The following DISC1 variants were observed in gnomAD, a reference collection of about 807,000 sequenced individuals.
DISC1 encodes disrupted in schizophrenia 1 protein.
Under a neutral mutation model 84.5 loss-of-function variants are expected in DISC1, and 57 were observed. The ratio of observed to expected loss-of-function variants is 0.67; its 90% CI spans 0.55 to 0.84. DISC1 has a LOEUF of 0.84. DISC1 is among the 40% of genes least tolerant of loss of function. The pLI, the probability that DISC1 is intolerant of heterozygous loss-of-function variation, is 0.00. For synonymous variants in DISC1, 411 were observed against 415.2 expected (o/e 0.99, Z 0.12); for missense variants, 1,000 against 1,057.8 (o/e 0.95, Z 0.76).
intron 9 of DISC1, among the ~76,000 whole-genome samples, chr1:231,862,610 C>G (rs1218722669): frequency 6.6e-6 from 1 of 152,126 alleles, no homozygotes; most frequent in East Asian, 1.9e-4. Context: ...GTTATAGAAT[C>G]AGAACTAGAA....
chr1:232,022,775 C>T (rs1055009238), intron 11 of DISC1, among the ~76,000 whole-genome samples: 1 of 152,194 alleles, frequency 6.6e-6, no homozygotes, highest in Admixed American at 6.5e-5. Flanking sequence ...CAAGTGAGAG[C>T]ATTATAGTAA....
chr1:231,627,001 C>G, intron 1 of DISC1, 67 bp downstream of exon 1: 2 of 1,185,930 alleles, frequency 1.7e-6, no homozygotes, highest in Non-Finnish European at 1.1e-6. Context: ...CGCGCTCTGG[C>G]CCCCAGGAAG....
intron 1 of DISC1, among the ~76,000 whole-genome samples, chr1:231,647,108 T>G (rs1271856734): frequency 6.6e-6 from 1 of 152,228 alleles, no homozygotes; most frequent in Non-Finnish European, 1.5e-5. Flanking sequence ...TTGCCATTGC[T>G]TTTGGTGTTT....
At chr1:231,709,389 C>A (rs181864548) in intron 3 of DISC1, among the ~76,000 whole-genome samples, 1 of 152,158 alleles carries the variant, frequency 6.6e-6, no homozygotes, top group East Asian at 1.9e-4. Context: ...GGCTTTGCAT[C>A]TGGGTACACG....
intron 10 of DISC1, among the ~76,000 whole-genome samples, chr1:231,977,003 T>C (rs1572447399): frequency 6.6e-6 from 1 of 152,150 alleles, no homozygotes; most frequent in Non-Finnish European, 1.5e-5. Context: ...GTAAGGCAAC[T>C]GGGACTCAGA....
rs1312593124 is a variant in DISC1, at chr1:231,801,106, T to C, written c.1792+896T>C. On this transcript the variant is annotated intron_variant, in intron 8 of 12. Transcript: ENST00000439617. ...AGAAGGAATACAATAATTGGCAGCTTCTGCTCCTCAGATCATTAAACAACT... is the reference window on the plus strand; with the variant it reads ...AGAAGGAATACAATAATTGGCAGCTCCTGCTCCTCAGATCATTAAACAACT... 2.0e-5 allele frequency among the ~76,000 whole-genome samples: 3 copies of C among 152,312 alleles called. No homozygotes were observed. In the South Asian group the frequency reaches 6.2e-4, roughly 32 times the overall value.
intron 1 of DISC1, among the ~76,000 whole-genome samples, chr1:231,684,378 T>G (rs2064007772): frequency 6.6e-6 from 1 of 152,134 alleles, no homozygotes; most frequent in Non-Finnish European, 1.5e-5. Flanking sequence ...AATATATAAT[T>G]ACACATAGGT....
At chr1:231,752,594 A>G (rs960769692) in intron 4 of DISC1, among the ~76,000 whole-genome samples, 8 of 152,158 alleles carry the variant, frequency 5.3e-5, no homozygotes, top group Admixed American at 5.2e-4. Flanking sequence ...GATCCAAACC[A>G]TATCATTCCA....
chr1:231,920,807 A>G (rs376273429), intron 9 of DISC1, among the ~76,000 whole-genome samples: 2 of 152,046 alleles, frequency 1.3e-5, no homozygotes, highest in East Asian at 3.9e-4. Flanking sequence ...AAAATTATTC[A>G]TTGTTTATCT....
At chr1:231,682,575 C>A (rs1188906672) in intron 1 of DISC1, among the ~76,000 whole-genome samples, 2 of 152,198 alleles carry the variant, frequency 1.3e-5, no homozygotes, top group Non-Finnish European at 2.9e-5. Context: ...TGACCATGCT[C>A]ACTCATAAGA....
intron 1 of DISC1, among the ~76,000 whole-genome samples, chr1:231,664,802 C>T (rs2061874068): frequency 6.6e-6 from 1 of 151,780 alleles, no homozygotes; most frequent in Admixed American, 6.6e-5. Context: ...TGTGAGTCCA[C>T]TTCTACATGA....
chr1:231,845,589 G>C (rs1267843647), intron 9 of DISC1, among the ~76,000 whole-genome samples: 1 of 152,170 alleles, frequency 6.6e-6, no homozygotes, highest in Non-Finnish European at 1.5e-5. Flanking sequence ...CTGCTTCAGG[G>C]AGAGGGAATG....
chr1:231,633,094 C>A (rs2058873777), intron 1 of DISC1, among the ~76,000 whole-genome samples: 1 of 151,900 alleles, frequency 6.6e-6, no homozygotes, highest in Non-Finnish European at 1.5e-5. Flanking sequence ...CAAAAAACCA[C>A]GTAGATTTTC....
chr1:231,626,937 A>T lies in DISC1; in HGVS notation c.67+3A>T, dbSNP rs1320358948. 31 of 1,503,000 alleles carry T rather than the reference A, an allele frequency of 2.1e-5. No individual in the cohort carries two copies. The highest frequency in any genetic ancestry group is 2.6e-5 in the Non-Finnish European group (30 of 1,132,912). 93.1% of individuals were successfully genotyped at this position (1,503,000 alleles called of 1,614,324 possible). A position where few individuals can be genotyped will look rare whatever the true frequency, so the allele number is the denominator to read the frequency against. On this transcript the variant is annotated splice_donor_region_variant and intron_variant, in intron 1 of 12. Coordinates refer to ENST00000439617, the MANE Select transcript of DISC1 (RefSeq NM_018662.3). ...CGGCGGCGTGAGCCACCGCGCAGGT[A>T]GGGGAGCTGCCACAGAGTCCTAGCA...
chr1:231,943,119 GA>G (rs1334333044), intron 9 of DISC1, among the ~76,000 whole-genome samples: 3 of 152,224 alleles, frequency 2.0e-5, no homozygotes, highest in Non-Finnish European at 4.4e-5. Flanking sequence ...TATTTTCAGA[GA>G]TAAATCAGTC....
At chr1:232,004,987 T>TC (rs1190579351) in intron 10 of DISC1, among the ~76,000 whole-genome samples, 23,301 of 110,196 alleles carry the variant, frequency 0.21, 3,871 homozygotes, top group African/African-American at 0.26. Context: ...CTTCCATCCT[T>TC]CTTCTCTTCT....
intron 1 of DISC1, among the ~76,000 whole-genome samples, chr1:231,678,354 G>A (rs2063356335): frequency 6.6e-6 from 1 of 152,176 alleles, no homozygotes; most frequent in East Asian, 1.9e-4. Context: ...TGCTCGGCAG[G>A]CGGGCAGCTC....
intron 3 of DISC1, among the ~76,000 whole-genome samples, chr1:231,707,276 A>T (rs1442790032): frequency 2.0e-5 from 3 of 152,172 alleles, no homozygotes; most frequent in Admixed American, 6.5e-5. Flanking sequence ...TCACTTTATA[A>T]TGTCTGCACA....
intron 3 of DISC1, among the ~76,000 whole-genome samples, chr1:231,713,700 G>A (rs1272877961): frequency 2.0e-5 from 2 of 99,692 alleles, no homozygotes; most frequent in African/African-American, 9.6e-5. Context: ...TATATATATA[G>A]GAGATATATA....
Sources: allele counts gnomAD v4.1 joint callset (sites outside exome capture counted in the v4.1 genomes callset), GRCh38; gene constraint gnomAD v4.1.1; transcripts MANE v1.5; gene names NCBI Gene and HGNC (gene_info 2026-07-23, HGNC 2026-07-21).